Variants in ZNF407 observed in about 807,000 individuals in gnomAD.
ZNF407 encodes the protein zinc finger protein 407.
Under a neutral mutation model 131.2 loss-of-function variants are expected in ZNF407, and 17 were observed. That is an observed-to-expected ratio of 0.13 (90% CI 0.09 to 0.19). The LOEUF (loss-of-function observed/expected upper bound fraction) is 0.19, where lower values mean the gene tolerates loss of function less well. ZNF407 is among the 10% of genes least tolerant of loss of function. ZNF407 has a pLI of 1.00. For synonymous variants in ZNF407, 1,156 were observed against 1,062.0 expected (o/e 1.09, Z -1.72); for missense variants, 2,681 against 2,830.6 (o/e 0.95, Z 1.20).
chr18:74,795,617 GA>G (rs1441940575), intron 4 of ZNF407, among the ~76,000 whole-genome samples: 1 of 152,264 alleles, frequency 6.6e-6, no homozygotes, highest in African/African-American at 2.4e-5. Flanking sequence ...TTGTATGTGG[GA>G]AAAATAGACA....
At chr18:74,662,533 T>G (rs1444771538) in intron 3 of ZNF407, among the ~76,000 whole-genome samples, 1 of 152,214 alleles carries the variant, frequency 6.6e-6, no homozygotes, top group Non-Finnish European at 1.5e-5. Context: ...TATTTACCCA[T>G]GTTTTAAATG....
intron 4 of ZNF407, among the ~76,000 whole-genome samples, chr18:74,803,003 T>C (rs1970046924): frequency 6.6e-6 from 1 of 152,140 alleles, no homozygotes; most frequent in Non-Finnish European, 1.5e-5. Context: ...TCAAAAGTTA[T>C]AAATTTGGAG....
intron 1 of ZNF407, among the ~76,000 whole-genome samples, chr18:74,622,786 TTG>T (rs998569536): frequency 5.3e-5 from 8 of 150,984 alleles, no homozygotes; most frequent in African/African-American, 1.2e-4. Flanking sequence ...GCGCGTGTCA[TTG>T]TGTCTGTGTC....
At chr18:74,734,872 G>T (rs1170497327) in intron 3 of ZNF407, among the ~76,000 whole-genome samples, 1 of 151,970 alleles carries the variant, frequency 6.6e-6, no homozygotes, top group Admixed American at 6.6e-5. Context: ...ATAATGTCTA[G>T]GATACCATAA....
Position 75,063,532 on chromosome 18 carries a change from A to C in ZNF407, c.5811A>C (p.Gly1937=). The change falls in exon 9 of 9, where the codon GGA becomes GGC. Residue 1937 remains glycine (G), a synonymous_variant. Transcript: ENST00000299687. The surrounding 1 kb of genome is among the most constrained non-coding windows in gnomAD (Gnocchi z 6.6). ...TCCTCCCCGAGCAGCTGGCTGATGG[A>C]GCCACCCAGGTGGTCGTCGTGGGGG... ...GPILPEQLAD[G]ATQVVVVGGS... 1.3e-6 allele frequency: 2 copies of C among 1,575,734 alleles called. No homozygotes were observed. Among genetic ancestry groups the C allele is most frequent in the Non-Finnish European group, 1.7e-6 (2 of 1,162,164 alleles).
intron 8 of ZNF407, among the ~76,000 whole-genome samples, chr18:74,944,915 G>T (rs1204857856): frequency 6.6e-6 from 1 of 151,928 alleles, no homozygotes; most frequent in Non-Finnish European, 1.5e-5. Flanking sequence ...GCAGACTGGG[G>T]ATAGAAGTGA....
chr18:74,607,382 C>T (rs1044764560), intron 1 of ZNF407, among the ~76,000 whole-genome samples: 1 of 152,084 alleles, frequency 6.6e-6, no homozygotes, highest in African/African-American at 2.4e-5. Flanking sequence ...TAAACCTTCC[C>T]AGGTTTATAC....
At chr18:74,986,248 G>A (rs1356024679) in intron 8 of ZNF407, among the ~76,000 whole-genome samples, 1 of 151,820 alleles carries the variant, frequency 6.6e-6, no homozygotes, top group South Asian at 2.1e-4. Context: ...CTGTGAAATA[G>A]GAATAAATGT....
At chr18:75,040,186 G>T (rs1973356932) in intron 8 of ZNF407, among the ~76,000 whole-genome samples, 1 of 152,182 alleles carries the variant, frequency 6.6e-6, no homozygotes, top group South Asian at 2.1e-4. Flanking sequence ...TGATCACGTG[G>T]AGTGATGTGC....
At chr18:74,945,651 A>G (rs1237359836) in intron 8 of ZNF407, among the ~76,000 whole-genome samples, 1 of 152,184 alleles carries the variant, frequency 6.6e-6, no homozygotes, top group African/African-American at 2.4e-5. Context: ...TATTTTACTT[A>G]CAATATTTTT....
chr18:74,936,316 T>C (rs1972039288), intron 8 of ZNF407, among the ~76,000 whole-genome samples: 1 of 152,264 alleles, frequency 6.6e-6, no homozygotes, highest in Admixed American at 6.5e-5. Context: ...ATAGTCATTT[T>C]CACTCAAAGT....
At chr18:74,978,563 G>A (rs1174683119) in intron 8 of ZNF407, among the ~76,000 whole-genome samples, 1 of 151,926 alleles carries the variant, frequency 6.6e-6, no homozygotes, top group Non-Finnish European at 1.5e-5. Flanking sequence ...AGGAAGACGG[G>A]TTGCAGATGA....
intron 8 of ZNF407, among the ~76,000 whole-genome samples, chr18:74,983,651 T>C: frequency 6.6e-6 from 1 of 152,212 alleles, no homozygotes; most frequent in East Asian, 1.9e-4. Flanking sequence ...TTATTTAGTT[T>C]TACAAACATA....
chr18:74,602,784 A>G (rs560681185), intron 1 of ZNF407, among the ~76,000 whole-genome samples: 8 of 152,262 alleles, frequency 5.3e-5, no homozygotes, highest in African/African-American at 1.9e-4. Flanking sequence ...GATTCATTCA[A>G]CATTTTTTTT....
At chr18:74,680,782 TA>T (rs988386753) in intron 3 of ZNF407, among the ~76,000 whole-genome samples, 4 of 152,082 alleles carry the variant, frequency 2.6e-5, no homozygotes, top group African/African-American at 7.2e-5. Context: ...CCAGAACTAA[TA>T]AAAAAAATTC....
At chr18:74,925,902 A>C (rs563218033) in intron 8 of ZNF407, among the ~76,000 whole-genome samples, 1 of 152,314 alleles carries the variant, frequency 6.6e-6, no homozygotes, top group East Asian at 1.9e-4. Context: ...TTTATTTCCT[A>C]ATATAGATGT....
At chr18:75,050,275 T>C (rs1973484421) in intron 8 of ZNF407, among the ~76,000 whole-genome samples, 1 of 152,198 alleles carries the variant, frequency 6.6e-6, no homozygotes, top group Admixed American at 6.5e-5. Flanking sequence ...ACATAGGCTG[T>C]CTCATTTACT....
At chr18:74,698,358 A>T (rs182302960) in intron 3 of ZNF407, among the ~76,000 whole-genome samples, 1 of 152,228 alleles carries the variant, frequency 6.6e-6, no homozygotes, top group African/African-American at 2.4e-5. Context: ...TATAACCAGC[A>T]TAGCTGAGTT....
chr18:74,818,260 A>G lies in ZNF407; in HGVS notation c.4877+36758A>G, dbSNP rs17055655. ...CAAACGCAGGCATTCTCTCTCGAGC[A>G]TAGCGCCATCCCGGAACCTGTGACT... On this transcript the variant is annotated intron_variant, in intron 4 of 8. Transcript: ENST00000299687. 8.2e-3 allele frequency among the ~76,000 whole-genome samples: 1,245 copies of G among 152,326 alleles called. 14 individuals carry two copies. The highest frequency in any genetic ancestry group is 0.028 in the African/African-American group (1,158 of 41,580).
Sources: allele counts gnomAD v4.1 joint callset (sites outside exome capture counted in the v4.1 genomes callset), GRCh38; gene constraint gnomAD v4.1.1; non-coding constraint Gnocchi (gnomAD v3.1); transcripts MANE v1.5; gene names NCBI Gene and HGNC (gene_info 2026-07-23, HGNC 2026-07-21).